R3HDM1: variants seen among roughly 807,000 people sequenced by gnomAD.
The protein encoded by R3HDM1 is R3H domain-containing protein 1.
A neutral mutation model predicts 141.1 loss-of-function variants in R3HDM1; 46 were observed. The observed-to-expected ratio is 0.33, with a 90% CI of 0.26 to 0.42. The LOEUF is 0.42. Ranked by LOEUF, R3HDM1 falls within the 10% of genes least tolerant of loss-of-function variation. The pLI, the probability that R3HDM1 is intolerant of heterozygous loss-of-function variation, is 1.00. For missense variants in R3HDM1, 1,184 were observed against 1,368.3 expected, an observed-to-expected ratio of 0.87 and a Z score of 2.12; for synonymous variants, 435 against 472.9, an observed-to-expected ratio of 0.92 and a Z score of 1.04.
chr2:135,669,633 A>G (rs935727932), intron 19 of R3HDM1: 4 of 916,422 alleles, frequency 4.4e-6, no homozygotes, highest in Non-Finnish European at 3.9e-6. Flanking sequence ...AGAATCAGAC[A>G]GCTGTGTGCA....
chr2:135,662,100 G>A (rs1343842627), intron 19 of R3HDM1, among the ~76,000 whole-genome samples: 3 of 152,130 alleles, frequency 2.0e-5, no homozygotes, highest in South Asian at 2.1e-4. Context: ...ACCTAGATGT[G>A]TACTTCCCAG....
chr2:135,586,791 T>C (rs1287580674), intron 1 of R3HDM1: 1 of 985,190 alleles, frequency 1.0e-6, no homozygotes, highest in Admixed American at 6.2e-5. Context: ...GATAGAATGG[T>C]TTACCTGTGT....
chr2:135,664,676 G>T (rs1034287422), intron 19 of R3HDM1, among the ~76,000 whole-genome samples: 2 of 152,158 alleles, frequency 1.3e-5, no homozygotes, highest in Admixed American at 6.6e-5. Flanking sequence ...CTGAAATCAG[G>T]ACTAACATTA....
At chr2:135,584,009 T>A (rs1707337017) in intron 1 of R3HDM1, 6 of 985,356 alleles carry the variant, frequency 6.1e-6, no homozygotes, top group Non-Finnish European at 7.2e-6. Context: ...AAATTTAAGG[T>A]GCAAGCAAAA....
chr2:135,641,629 A>G lies in R3HDM1; in HGVS notation c.1313A>G (p.His438Arg), dbSNP rs955098598. The G allele has an allele frequency of 6.2e-7, 1 of 1,613,976 alleles. No individual in the cohort carries two copies. Among genetic ancestry groups the G allele is most frequent in the African/African-American group, 1.3e-5 (1 of 74,898 alleles). ...GGTACAGCTCTCAGCCAGTCTTCTC[A>G]TGGCGCACCTGTCGTCTATCCAACT... The part of the protein sequence containing the change: ...LPGTALSQSS[H>R]GAPVVYPTVS... Residue 438 changes from histidine to arginine, a missense_variant, in exon 15 of 27, where the codon CAT becomes CGT. His to Arg is a conservative substitution (Grantham distance 29, BLOSUM62 0). Around this residue, in one of 5 missense-constraint regions of R3HDM1, gnomAD observed 240 missense variants for 312.3 expected, o/e 0.77. Coordinates refer to ENST00000683871, the MANE Select transcript of R3HDM1 (RefSeq NM_001378107.1).
At chr2:135,611,657 A>G (rs73956765) in intron 3 of R3HDM1, among the ~76,000 whole-genome samples, 14,196 of 152,118 alleles carry the variant, frequency 0.093, 912 homozygotes, top group South Asian at 0.31. Context: ...CTGTATTTTT[A>G]TTGTTTTTTA....
chr2:135,615,245 G>GA (rs2105154074), intron 3 of R3HDM1, among the ~76,000 whole-genome samples: 1 of 143,770 alleles, frequency 7.0e-6, no homozygotes, highest in East Asian at 2.5e-4. Context: ...ATAAAATGAT[G>GA]GGTTTTTTTT....
At chr2:135,634,015 A>G (rs1037372161) in intron 9 of R3HDM1, among the ~76,000 whole-genome samples, 6 of 152,226 alleles carry the variant, frequency 3.9e-5, no homozygotes, top group African/African-American at 1.4e-4. Flanking sequence ...AAGATAGATG[A>G]CATAAGTCAA....
At chr2:135,623,102 T>C (rs1293559796) in intron 7 of R3HDM1, 1 of 925,492 alleles carries the variant, frequency 1.1e-6, no homozygotes, top group African/African-American at 1.8e-5. Context: ...TTGAAGTTTT[T>C]AAATGCAAAG....
intron 7 of R3HDM1, among the ~76,000 whole-genome samples, chr2:135,625,695 A>G (rs531597314): frequency 1.3e-5 from 2 of 152,112 alleles, no homozygotes; most frequent in Admixed American, 6.5e-5. Flanking sequence ...CCTGCTCCCA[A>G]TCTCCTGGAT....
chr2:135,590,647 C>A, intron 1 of R3HDM1: 1 of 985,366 alleles, frequency 1.0e-6, no homozygotes, highest in Non-Finnish European at 1.2e-6. Flanking sequence ...ATTATATCTG[C>A]TAGCTCTACA....
chr2:135,610,863 G>A (rs1489901645), intron 3 of R3HDM1, among the ~76,000 whole-genome samples: 1 of 152,110 alleles, frequency 6.6e-6, no homozygotes, highest in South Asian at 2.1e-4. Context: ...CCAGCACTTT[G>A]GGATGCCGAG....
chr2:135,630,275 C>A (rs2062528321), intron 7 of R3HDM1, among the ~76,000 whole-genome samples: 1 of 82,416 alleles, frequency 1.2e-5, no homozygotes. Context: ...GAAACTCCTT[C>A]TCAACCAAAA....
chr2:135,656,350 A>G (rs2065891006), intron 18 of R3HDM1: 1 of 152,042 alleles, frequency 6.6e-6, no homozygotes. Context: ...TTTAAATTTA[A>G]TATATTTTTG....
chr2:135,614,529 T>A (rs941216002), intron 3 of R3HDM1, among the ~76,000 whole-genome samples: 3 of 152,182 alleles, frequency 2.0e-5, no homozygotes, highest in Admixed American at 2.0e-4. Flanking sequence ...TTTAGACAGA[T>A]AAAAGTAAAC....
chr2:135,651,352 G>C (rs1291442291), intron 17 of R3HDM1: 1 of 983,986 alleles, frequency 1.0e-6, no homozygotes, highest in Non-Finnish European at 1.2e-6. Context: ...TCATTGCTTG[G>C]TCTTTGAAGT....
chr2:135,592,548 C>T (rs1190167532), intron 1 of R3HDM1, among the ~76,000 whole-genome samples: 1 of 152,074 alleles, frequency 6.6e-6, no homozygotes, highest in Non-Finnish European at 1.5e-5. Context: ...TGTAAACAAT[C>T]CAGTATGGAA....
chr2:135,642,907 C>A (rs145287609), intron 15 of R3HDM1, among the ~76,000 whole-genome samples: 1 of 152,002 alleles, frequency 6.6e-6, no homozygotes, highest in South Asian at 2.1e-4. Context: ...TTAGTAATTA[C>A]CTTCTTATTC....
intron 9 of R3HDM1, 25 bp downstream of exon 9, chr2:135,632,026 A>G (rs772257093): frequency 1.3e-5 from 19 of 1,516,924 alleles, no homozygotes; most frequent in African/African-American, 4.2e-5. Context: ...ATGTAACTAC[A>G]TATTATATAT....
Sources: gnomAD v4.1 joint callset for allele counts (sites outside exome capture counted in the v4.1 genomes callset) on GRCh38, gnomAD v4.1.1 for gene constraint, gnomAD v4.1.1 regional missense constraint, MANE v1.5 for transcripts, NCBI Gene and HGNC (gene_info 2026-07-23, HGNC 2026-07-21) for gene names.